The following INVS variants were observed in gnomAD, a reference collection of about 807,000 sequenced individuals.
INVS encodes inversion of embryo turning homolog.
In INVS, 86 loss-of-function variants were observed where a neutral mutation model predicts 108.8. The observed-to-expected ratio is 0.79, with a 90% CI of 0.66 to 0.95. The LOEUF is 0.95. Among genes scored for constraint, INVS ranks in the 40% least tolerant of loss-of-function variants. The pLI is 0.00. For synonymous variants in INVS, 455 were observed against 473.5 expected, an observed-to-expected ratio of 0.96 and a Z score of 0.51; for missense variants, 1,169 against 1,297.4, an observed-to-expected ratio of 0.90 and a Z score of 1.52.
rs1258197310 is a variant in INVS at position 100,100,613 on chromosome 9, A to T, written c.-25+1197A>T. 8.0e-4 allele frequency among the ~76,000 whole-genome samples: 58 copies of T among 72,448 alleles called. 2 individuals are homozygous for T. Among genetic ancestry groups the T allele is most frequent in the East Asian group, 1.2e-3 (3 of 2,532 alleles). The allele number at this position is 72,448 out of a possible 152,430, so 47.5% of individuals were successfully genotyped here. ...TAATATATGTACATATAATATATAT[A>T]ATATATGTATATATAATATATATAT... On this transcript the variant is annotated intron_variant, in intron 1 of 16. Transcript: ENST00000262457.
At chr9:100,122,965 A>G (rs1242350126) in intron 2 of INVS, among the ~76,000 whole-genome samples, 2 of 152,124 alleles carry the variant, frequency 1.3e-5, no homozygotes, top group Non-Finnish European at 2.9e-5. Context: ...GAATGTTAAG[A>G]TTTAAGATTT....
intron 1 of INVS, among the ~76,000 whole-genome samples, chr9:100,100,852 T>TATAATATATA (rs1826896978): frequency 5.4e-5 from 1 of 18,670 alleles, no homozygotes; most frequent in Non-Finnish European, 8.6e-5. Flanking sequence ...ATATAATATA[T>TATAATATATA]GTATATATAA....
At chr9:100,281,997 G>C (rs909322570) in intron 12 of INVS, among the ~76,000 whole-genome samples, 19 of 152,226 alleles carry the variant, frequency 1.2e-4, no homozygotes, top group African/African-American at 4.1e-4. Context: ...TCACCTCAGA[G>C]TCCCCCTTAA....
At chr9:100,263,998 T>G (rs896448705) in intron 10 of INVS, among the ~76,000 whole-genome samples, 1 of 152,220 alleles carries the variant, frequency 6.6e-6, no homozygotes. Context: ...CTTTTTAATT[T>G]TGTCGATTTT....
At chr9:100,211,665 C>G (rs1459364580) in intron 3 of INVS, among the ~76,000 whole-genome samples, 2 of 152,124 alleles carry the variant, frequency 1.3e-5, no homozygotes, top group African/African-American at 4.8e-5. Flanking sequence ...AAGAGTTCAG[C>G]CTTAGAGCAA....
chr9:100,180,562 T>G (rs1271909040), intron 3 of INVS, among the ~76,000 whole-genome samples: 1 of 152,036 alleles, frequency 6.6e-6, no homozygotes, highest in South Asian at 2.1e-4. Context: ...ACATACACCC[T>G]CCTAAGACTA....
chr9:100,199,683 C>T (rs578135446), intron 3 of INVS, among the ~76,000 whole-genome samples: 1 of 152,262 alleles, frequency 6.6e-6, no homozygotes, highest in South Asian at 2.1e-4. Context: ...ACACCATCAT[C>T]CCTGTTGTTC....
At chr9:100,278,508 A>C (rs1243726150) in intron 12 of INVS, among the ~76,000 whole-genome samples, 1 of 152,156 alleles carries the variant, frequency 6.6e-6, no homozygotes, top group African/African-American at 2.4e-5. Flanking sequence ...CTCGATTGTC[A>C]GTTTCTTGAG....
intron 3 of INVS, among the ~76,000 whole-genome samples, chr9:100,167,283 A>C (rs929944577): frequency 1.3e-5 from 2 of 152,036 alleles, no homozygotes; most frequent in African/African-American, 4.8e-5. Flanking sequence ...CCTGTGATCT[A>C]TCAAGCCTTT....
chr9:100,114,141 T>C (rs2118851052), intron 2 of INVS, among the ~76,000 whole-genome samples: 1 of 152,322 alleles, frequency 6.6e-6, no homozygotes, highest in East Asian at 1.9e-4. Flanking sequence ...TCACCCTTGT[T>C]CGTATACAGT....
At chr9:100,103,406 CA>C (rs1297976336) in intron 1 of INVS, among the ~76,000 whole-genome samples, 1 of 151,778 alleles carries the variant, frequency 6.6e-6, no homozygotes, top group Admixed American at 6.6e-5. Context: ...GTGGGCAGAT[CA>C]CTTGAGATCA....
At chr9:100,215,810 C>T (rs1426080020) in intron 3 of INVS, among the ~76,000 whole-genome samples, 1 of 152,190 alleles carries the variant, frequency 6.6e-6, no homozygotes, top group Non-Finnish European at 1.5e-5. Context: ...ACAGAGGTCC[C>T]TGCTGGGAAG....
At chr9:100,296,767 C>T (rs1833802997) in intron 14 of INVS, 150 bp from the exon 15 acceptor site, 2 of 679,866 alleles carry the variant, frequency 2.9e-6, no homozygotes, top group Non-Finnish European at 5.3e-6. Flanking sequence ...CCACATTCAA[C>T]ATGCTGCCGC....
In INVS at chr9:100,211,517, T is replaced by C. The variant is rs141881758; in HGVS notation, c.274-14545T>C. On this transcript the variant is annotated intron_variant, in intron 3 of 16. Transcript: ENST00000262457. ...ATTTCCTCTCATAGAGAAAAGCCTT[T>C]TTTTGACAGTAACATTTTCTCCTTC... Among the ~76,000 whole-genome samples the C allele has an allele frequency of 5.6e-4, 86 of 152,328 alleles. No homozygotes were observed. The East Asian group carries it at 9.6e-3, about 17-fold the overall frequency.
At chr9:100,138,379 T>G (rs1298294374) in intron 3 of INVS, among the ~76,000 whole-genome samples, 3 of 152,020 alleles carry the variant, frequency 2.0e-5, no homozygotes, top group Non-Finnish European at 4.4e-5. Context: ...GCACTCCAGC[T>G]AGGGTGACAA....
chr9:100,198,374 C>T (rs1186012910), intron 3 of INVS, among the ~76,000 whole-genome samples: 4 of 136,902 alleles, frequency 2.9e-5, no homozygotes, highest in African/African-American at 8.2e-5. Context: ...CTTGGCTCAC[C>T]GCAACCTCTG....
Position 100,246,694 on chromosome 9 carries a change from G to T in INVS, c.985G>T (p.Ala329Ser), listed in dbSNP as rs1212648125. 6.2e-7 allele frequency: 1 copy of T among 1,613,714 alleles called. No homozygotes were observed. The highest frequency in any genetic ancestry group is 1.7e-5 in the Admixed American group (1 of 60,018). The change falls in exon 8 of 17, where the codon GCA (alanine) becomes TCA (serine). Residue 329 changes from alanine (A) to serine (S), a missense_variant. Coordinates refer to ENST00000262457, the MANE Select transcript of INVS (RefSeq NM_014425.5). ...DLEGRTSFMWAAGKGSDDVLR... is the reference protein window; with the variant it reads ...DLEGRTSFMWSAGKGSDDVLR... The stretch of plus-strand genomic sequence containing the variant: ...GGAAGGAAGAACATCCTTTATGTGG[G>T]CAGCTGGCAAAGGCAGTGATGATGT...
At chr9:100,276,099 G>A (rs1295075988) in intron 12 of INVS, among the ~76,000 whole-genome samples, 1 of 152,066 alleles carries the variant, frequency 6.6e-6, no homozygotes, top group East Asian at 1.9e-4. Flanking sequence ...AGCCTTGAAG[G>A]CAAACTTTTT....
At chr9:100,133,520 G>T (rs1828116922) in intron 3 of INVS, among the ~76,000 whole-genome samples, 1 of 151,888 alleles carries the variant, frequency 6.6e-6, no homozygotes, top group East Asian at 1.9e-4. Context: ...TTTCATAAAA[G>T]ATTATATCCA....
Sources: gnomAD v4.1 joint callset for allele counts (sites outside exome capture counted in the v4.1 genomes callset) on GRCh38, gnomAD v4.1.1 for gene constraint, MANE v1.5 for transcripts, NCBI Gene and HGNC (gene_info 2026-07-23, HGNC 2026-07-21) for gene names.